Variants in NXPE2 observed in about 807,000 individuals in gnomAD.
NXPE2 encodes the protein NXPE family member 2.
Under a neutral mutation model 34.4 loss-of-function variants are expected in NXPE2, and 34 were observed. The ratio of observed to expected loss-of-function variants is 0.99; its 90% CI spans 0.75 to 1.31. The LOEUF (loss-of-function observed/expected upper bound fraction) is 1.31, where lower values mean the gene tolerates loss of function less well. Ranked by LOEUF, NXPE2 falls within the 40% of genes most tolerant of loss-of-function variation. NXPE2 has a pLI of 0.00. For missense variants in NXPE2, 649 were observed against 672.5 expected (o/e 0.97, Z 0.39); for synonymous variants, 235 against 231.3 (o/e 1.02, Z -0.15).
chr11:114,476,925 A>T, the NXPE2 span, among the ~76,000 whole-genome samples: 3 of 152,178 alleles, frequency 2.0e-5, no homozygotes. Context: ...AGCCCCCTAA[A>T]GCTATTAAGT....
chr11:114,568,519 C>G, the NXPE2 span, among the ~76,000 whole-genome samples: 2 of 149,464 alleles, frequency 1.3e-5, no homozygotes, highest in South Asian at 4.5e-4. Flanking sequence ...TCCTCTCTTT[C>G]ATTCCCTCTT....
In NXPE2 at chr11:114,706,744, T is replaced by G; in HGVS notation, c.1494T>G (p.Asn498Lys). The G allele has an allele frequency of 6.4e-7, 1 of 1,552,362 alleles. No individual in the cohort carries two copies. The highest frequency in any genetic ancestry group is 8.7e-7 in the Non-Finnish European group (1 of 1,147,082). The change falls in exon 6 of 6, where the codon AAT becomes AAG. Residue 498 changes from asparagine to lysine, a missense_variant. Asn to Lys is a moderately conservative substitution (Grantham distance 94). Coordinates refer to ENST00000389586, the MANE Select transcript of NXPE2 (RefSeq NM_182495.6). ...AAAACACCAGAGAGATAGAACAAAATGCAGAGATGTTCAGTGACTTTCATG... is the reference window on the plus strand; with the variant it reads ...AAAACACCAGAGAGATAGAACAAAAGGCAGAGATGTTCAGTGACTTTCATG... ...KTENTREIEQNAEMFSDFHGY... is the reference protein window; with the variant it reads ...KTENTREIEQKAEMFSDFHGY...
Position 114,706,053 on chromosome 11 carries a change from A to G in NXPE2, c.1144+57A>G, listed in dbSNP as rs983813483. The G allele has an allele frequency of 1.8e-5, 12 of 671,486 alleles. No individual in the cohort carries two copies. The African/African-American group carries it at 1.9e-4, about 11-fold the overall frequency. 41.6% of individuals were successfully genotyped at this position (671,486 alleles called of 1,614,324 possible). Reference sequence around the variant, plus strand: ...TTTGACTTTTGAGGGTTTTGAAATAATAATTAGAATTATTTGCTTTTCTTT... The same window carrying G: ...TTTGACTTTTGAGGGTTTTGAAATAGTAATTAGAATTATTTGCTTTTCTTT... On this transcript the variant is annotated intron_variant, in intron 5 of 5. Transcript: ENST00000389586.
At chr11:114,720,830 C>G in the NXPE2 span, among the ~76,000 whole-genome samples, 1 of 152,116 alleles carries the variant, frequency 6.6e-6, no homozygotes, top group Admixed American at 6.6e-5. Context: ...GGTCCAGGCA[C>G]AGTTGAGCTC....
At chr11:114,612,435 G>T in the NXPE2 span, among the ~76,000 whole-genome samples, 3 of 151,638 alleles carry the variant, frequency 2.0e-5, no homozygotes, top group Non-Finnish European at 4.4e-5. Flanking sequence ...GTTGCCTCGT[G>T]GGTCACCACT....
At chr11:114,583,889 G>A in the NXPE2 span, 1 of 392,402 alleles carries the variant, frequency 2.5e-6, no homozygotes, top group Non-Finnish European at 5.0e-6. Context: ...GGACTTATGG[G>A]TTATTGGGGC....
At chr11:114,640,063 T>C in the NXPE2 span, among the ~76,000 whole-genome samples, 1 of 115,894 alleles carries the variant, frequency 8.6e-6, no homozygotes, top group Admixed American at 1.0e-4. Context: ...ATAATTTATT[T>C]AAAATATAAT....
the NXPE2 span, among the ~76,000 whole-genome samples, chr11:114,648,432 T>A: frequency 6.6e-6 from 1 of 152,192 alleles, no homozygotes; most frequent in Admixed American, 6.5e-5. Flanking sequence ...GTCAGACTTT[T>A]GTTCTATTCA....
chr11:114,676,086 T>A (rs1167952321), upstream of NXPE2, among the ~76,000 whole-genome samples: 1 of 151,534 alleles, frequency 6.6e-6, no homozygotes, highest in African/African-American at 2.4e-5. Flanking sequence ...TCACAACATA[T>A]AAAAAAAATC....
the NXPE2 span, among the ~76,000 whole-genome samples, chr11:114,610,128 C>T: frequency 5.3e-5 from 8 of 151,460 alleles, no homozygotes; most frequent in South Asian, 4.2e-4. Context: ...CCCGTTACCC[C>T]GTGGATAATA....
intron 1 of NXPE2, 133 bp from the exon 2 acceptor site, chr11:114,679,524 T>C: frequency 1.9e-6 from 1 of 524,510 alleles, no homozygotes; most frequent in Non-Finnish European, 3.4e-6. Context: ...CAATAGAAGA[T>C]ATAAAGGAAC....
intron 3 of NXPE2, among the ~76,000 whole-genome samples, chr11:114,702,229 C>A (rs1951378665): frequency 6.6e-6 from 1 of 151,826 alleles, no homozygotes; most frequent in Non-Finnish European, 1.5e-5. Flanking sequence ...AATTATAGAC[C>A]CCTTTTTAAA....
chr11:114,672,865 G>T, the NXPE2 span, among the ~76,000 whole-genome samples: 2 of 151,514 alleles, frequency 1.3e-5, no homozygotes, highest in East Asian at 3.9e-4. Context: ...AATAGTTAGA[G>T]ACTTCAATAT....
At chr11:114,667,591 C>A in the NXPE2 span, among the ~76,000 whole-genome samples, 2,153 of 152,186 alleles carry the variant, frequency 0.014, 41 homozygotes, top group African/African-American at 0.049. Flanking sequence ...ATTGTGATTT[C>A]CTCCTTGCTT....
the NXPE2 span, among the ~76,000 whole-genome samples, chr11:114,746,943 G>A: frequency 6.8e-6 from 1 of 147,026 alleles, no homozygotes; most frequent in African/African-American, 2.5e-5. Flanking sequence ...TAAGCCTAAA[G>A]AAAGCAAAAA....
the NXPE2 span, among the ~76,000 whole-genome samples, chr11:114,724,797 C>T: frequency 5.4e-5 from 8 of 149,506 alleles, no homozygotes; most frequent in African/African-American, 2.0e-4. Flanking sequence ...GGTTGACAAG[C>T]AATTCTTGCA....
At chr11:114,748,112 A>T in the NXPE2 span, among the ~76,000 whole-genome samples, 2 of 150,932 alleles carry the variant, frequency 1.3e-5, no homozygotes, top group African/African-American at 4.9e-5. Context: ...TTTTTGATCC[A>T]CTCATCTTTA....
At chr11:114,465,182 TTAAAG>T in the NXPE2 span, among the ~76,000 whole-genome samples, 1 of 152,160 alleles carries the variant, frequency 6.6e-6, no homozygotes, top group African/African-American at 2.4e-5. Context: ...TTCTAGATAT[TTAAAG>T]TAGAGAAAAT....
chr11:114,664,059 CA>C, the NXPE2 span, among the ~76,000 whole-genome samples: 1 of 152,208 alleles, frequency 6.6e-6, no homozygotes, highest in East Asian at 1.9e-4. Flanking sequence ...TACGTTCACA[CA>C]AAAGTTTATA....
Sources: allele counts gnomAD v4.1 joint callset (sites outside exome capture counted in the v4.1 genomes callset), GRCh38; gene constraint gnomAD v4.1.1; transcripts MANE v1.5; gene names NCBI Gene and HGNC (gene_info 2026-07-23, HGNC 2026-07-21).